EPB41L4A: variants seen among roughly 807,000 people sequenced by gnomAD.
EPB41L4A encodes erythrocyte membrane protein band 4.1 like 4A.
EPB41L4A carries 100 observed loss-of-function variants against 108.6 expected under a neutral mutation model. That is an observed-to-expected ratio of 0.92 (90% CI 0.78 to 1.09). The LOEUF (loss-of-function observed/expected upper bound fraction) is 1.09, where lower values mean the gene tolerates loss of function less well. Among genes scored for constraint, EPB41L4A ranks in the 50% least tolerant of loss-of-function variants. The pLI, the probability that EPB41L4A is intolerant of heterozygous loss-of-function variation, is 0.00. For missense variants in EPB41L4A, 1,030 were observed against 842.7 expected, an observed-to-expected ratio of 1.22 and a Z score of -2.75; for synonymous variants, 319 against 289.0, an observed-to-expected ratio of 1.10 and a Z score of -1.05.
intron 1 of EPB41L4A, among the ~76,000 whole-genome samples, chr5:112,324,693 T>C (rs1487792102): frequency 7.2e-6 from 1 of 138,938 alleles, no homozygotes; most frequent in Non-Finnish European, 1.5e-5. Context: ...CTGCACTCCA[T>C]CCTGGGTGAC....
At chr5:112,341,406 G>A (rs961098898) in intron 1 of EPB41L4A, among the ~76,000 whole-genome samples, 4 of 151,930 alleles carry the variant, frequency 2.6e-5, no homozygotes, top group South Asian at 2.1e-4. Flanking sequence ...TATTGTATTC[G>A]GTACCGTTGG....
At chr5:112,369,934 C>T (rs1279567399) in intron 1 of EPB41L4A, among the ~76,000 whole-genome samples, 1 of 151,420 alleles carries the variant, frequency 6.6e-6, no homozygotes, top group African/African-American at 2.5e-5. Flanking sequence ...GTCTGAAGAA[C>T]TGTTTCCACC....
intron 1 of EPB41L4A, among the ~76,000 whole-genome samples, chr5:112,320,376 T>C (rs1282611769): frequency 6.6e-6 from 1 of 152,188 alleles, no homozygotes; most frequent in East Asian, 1.9e-4. Context: ...CATTATAACT[T>C]TCCCCCTTAA....
At chr5:112,368,055 T>G (rs386446) in intron 1 of EPB41L4A, among the ~76,000 whole-genome samples, 32,399 of 152,196 alleles carry the variant, frequency 0.21, 3,753 homozygotes, top group African/African-American at 0.28. Flanking sequence ...AGAGACTACT[T>G]GAGGGAAAAA....
intron 2 of EPB41L4A, among the ~76,000 whole-genome samples, chr5:112,290,961 A>C (rs1483823685): frequency 6.6e-6 from 1 of 152,154 alleles, no homozygotes; most frequent in Non-Finnish European, 1.5e-5. Context: ...CTGCAATTAC[A>C]GTCTGTTTCT....
Position 112,234,738 on chromosome 5 carries a change from T to C in EPB41L4A, c.983A>G (p.Gln328Arg), listed in dbSNP as rs937779067. The C allele has an allele frequency of 5.0e-6, 8 of 1,611,360 alleles. No homozygotes were observed. Among genetic ancestry groups the C allele is most frequent in the Non-Finnish European group, 5.9e-6 (7 of 1,178,160 alleles). The change falls in exon 12 of 23, where the codon CAA becomes CGA. Residue 328 changes from glutamine to arginine, a missense_variant. Gln to Arg is a conservative substitution (Grantham distance 43, BLOSUM62 1). Coordinates refer to ENST00000261486, the MANE Select transcript of EPB41L4A (RefSeq NM_022140.5). ...CTGAATAGAAAGATCTCGGCTCATTTGCAAAGCTGTCCTGCCACTTGAGAG... is the reference window on the plus strand; with the variant it reads ...CTGAATAGAAAGATCTCGGCTCATTCGCAAAGCTGTCCTGCCACTTGAGAG... ...KHRYSGRTAL[Q>R]MSRDLSIQLP... is the part of the protein sequence containing the mutation.
intron 18 of EPB41L4A, among the ~76,000 whole-genome samples, chr5:112,178,241 G>C (rs1470954384): frequency 6.6e-6 from 1 of 152,090 alleles, no homozygotes; most frequent in South Asian, 2.1e-4. Context: ...AGGGTCATCA[G>C]TTCATCAGGA....
chr5:112,241,478 A>T (rs912642022), intron 9 of EPB41L4A, among the ~76,000 whole-genome samples: 1 of 152,208 alleles, frequency 6.6e-6, no homozygotes, highest in Non-Finnish European at 1.5e-5. Context: ...AACAACATTG[A>T]AGGTACAAAT....
intron 18 of EPB41L4A, among the ~76,000 whole-genome samples, chr5:112,177,033 G>A (rs1760904082): frequency 6.6e-6 from 1 of 151,928 alleles, no homozygotes; most frequent in African/African-American, 2.4e-5. Flanking sequence ...GGGATTACAG[G>A]CATGAGCCAC....
intron 18 of EPB41L4A, among the ~76,000 whole-genome samples, 199 bp downstream of exon 18, chr5:112,183,817 T>G (rs562114905): frequency 6.6e-6 from 1 of 152,254 alleles, no homozygotes; most frequent in Non-Finnish European, 1.5e-5. Context: ...CTTGTTTTCA[T>G]GACATTTTGT....
rs1007222951 is a variant in EPB41L4A, at chr5:112,176,345, T to A, written c.1623-5353A>T. Among the ~76,000 whole-genome samples the A allele has an allele frequency of 3.9e-5, 6 of 152,216 alleles. 1 individual carries two copies. Among genetic ancestry groups the A allele is most frequent in the Admixed American group, 2.0e-4 (3 of 15,290 alleles). On this transcript the variant is annotated intron_variant, in intron 18 of 22. Transcript: ENST00000261486. ...AGGACAGAGCTCAGTTTGTGCTATA[T>A]GAAGTAATCCATCATCCTTAAGAGT...
At chr5:112,213,786 G>A (rs1451979478) in intron 12 of EPB41L4A, among the ~76,000 whole-genome samples, 1 of 152,300 alleles carries the variant, frequency 6.6e-6, no homozygotes, top group African/African-American at 2.4e-5. Flanking sequence ...AAACCACTTA[G>A]AAGCATTAAC....
chr5:112,372,515 A>G (rs10478082), intron 1 of EPB41L4A, among the ~76,000 whole-genome samples: 3,862 of 152,328 alleles, frequency 0.025, 155 homozygotes, highest in African/African-American at 0.081. Context: ...AGCACTAATC[A>G]TAAGAGAAGG....
intron 9 of EPB41L4A, among the ~76,000 whole-genome samples, chr5:112,255,289 AC>A (rs1290787484): frequency 6.6e-6 from 1 of 150,874 alleles, no homozygotes; most frequent in Non-Finnish European, 1.5e-5. Context: ...TCTTCCTGTT[AC>A]CTCTCTTATG....
chr5:112,287,598 C>G (rs1361652779), intron 2 of EPB41L4A, among the ~76,000 whole-genome samples: 1 of 152,158 alleles, frequency 6.6e-6, no homozygotes, highest in Non-Finnish European at 1.5e-5. Flanking sequence ...CTTTCGCACT[C>G]AAAGTAAAAC....
rs1760135122 is a variant in EPB41L4A at position 112,164,857 on chromosome 5, A to T, written c.*133T>A. On this transcript the variant is annotated 3_prime_UTR_variant, in exon 23 of 23. Coordinates refer to ENST00000261486, the MANE Select transcript of EPB41L4A (RefSeq NM_022140.5). ...AAAAAAAAAAAAAAAAAGAAGCAAAAGATAATGTATTTTCTCATGCTGAAG... is the reference window on the plus strand; with the variant it reads ...AAAAAAAAAAAAAAAAAGAAGCAAATGATAATGTATTTTCTCATGCTGAAG... The T allele has an allele frequency of 6.0e-6, 6 of 996,164 alleles. No homozygotes were observed. The highest frequency in any genetic ancestry group is 8.4e-6 in the Non-Finnish European group (6 of 712,548). The allele number at this position is 996,164 out of a possible 1,614,324, so 61.7% of individuals were successfully genotyped here. A position where few individuals can be genotyped will look rare whatever the true frequency, so the allele number is the denominator to read the frequency against.
chr5:112,228,147 G>T (rs1400253691), intron 12 of EPB41L4A: 2 of 152,202 alleles, frequency 1.3e-5, no homozygotes, highest in Non-Finnish European at 2.9e-5. Flanking sequence ...AGAGTTTCCA[G>T]GGAAGCAGCC....
At chr5:112,185,026 G>A (rs932286884) in intron 17 of EPB41L4A, among the ~76,000 whole-genome samples, 1 of 150,666 alleles carries the variant, frequency 6.6e-6, no homozygotes, top group Non-Finnish European at 1.5e-5. Context: ...ACTATTGGCA[G>A]GAGAGAAGAA....
intron 1 of EPB41L4A, among the ~76,000 whole-genome samples, chr5:112,350,723 C>G (rs991238980): frequency 6.6e-6 from 1 of 152,180 alleles, no homozygotes; most frequent in South Asian, 2.1e-4. Context: ...TGAGTCAGAA[C>G]ATGTGGTATC....
Sources: allele counts gnomAD v4.1 joint callset (sites outside exome capture counted in the v4.1 genomes callset), GRCh38; gene constraint gnomAD v4.1.1; transcripts MANE v1.5; gene names NCBI Gene and HGNC (gene_info 2026-07-23, HGNC 2026-07-21).